Variants in SERGEF observed in about 807,000 individuals in gnomAD.
SERGEF encodes the protein secretion-regulating guanine nucleotide exchange factor.
In SERGEF, 51 loss-of-function variants were observed where a neutral mutation model predicts 50.0. The observed-to-expected ratio is 1.02, with a 90% CI of 0.81 to 1.29. The LOEUF (loss-of-function observed/expected upper bound fraction) is 1.29, where lower values mean the gene tolerates loss of function less well. Ranked by LOEUF, SERGEF falls within the 50% of genes most tolerant of loss-of-function variation. The pLI, the probability that SERGEF is intolerant of heterozygous loss-of-function variation, is 0.00. For missense variants in SERGEF, 521 were observed against 557.0 expected (o/e 0.94, Z 0.65); for synonymous variants, 205 against 212.4 (o/e 0.97, Z 0.30).
At chr11:17,939,512 T>C (rs1251966755) in intron 9 of SERGEF, 1 of 152,224 alleles carries the variant, frequency 6.6e-6, no homozygotes, top group Non-Finnish European at 1.5e-5. Context: ...GCCATGAGTC[T>C]TCTCAGCTGG....
chr11:17,966,971 C>T (rs1334172418), intron 8 of SERGEF, among the ~76,000 whole-genome samples: 4 of 152,148 alleles, frequency 2.6e-5, no homozygotes, highest in Admixed American at 2.6e-4. Flanking sequence ...AAACAGACCA[C>T]AGAGGTTAAA....
chr11:17,986,443 C>T (rs1462416958), intron 8 of SERGEF, among the ~76,000 whole-genome samples: 1 of 152,184 alleles, frequency 6.6e-6, no homozygotes, highest in African/African-American at 2.4e-5. Context: ...AAGTAAATAG[C>T]TGAAACGTTA....
chr11:17,907,534 G>A (rs913891975), intron 9 of SERGEF, among the ~76,000 whole-genome samples: 1 of 152,206 alleles, frequency 6.6e-6, no homozygotes, highest in Non-Finnish European at 1.5e-5. Context: ...TTCTAAAAAT[G>A]TAAGGCAGAT....
Position 17,831,983 on chromosome 11 carries a change from T to C in SERGEF, c.1049-43570A>G, listed in dbSNP as rs545067960. On this transcript the variant is annotated intron_variant, in intron 10 of 10. Transcript: ENST00000265965. ...AAGCCTCATTAATCTCCCCAGAGCA[T>C]AGGTTTCATCACAGAGTGTAAAAAG... is the stretch of plus-strand genomic sequence containing the variant. Among the ~76,000 whole-genome samples, 13 of 152,354 alleles carry C rather than the reference T, an allele frequency of 8.5e-5. No individual in the cohort carries two copies. The South Asian group carries it at 2.5e-3, about 29-fold the overall frequency.
intron 10 of SERGEF, among the ~76,000 whole-genome samples, chr11:17,840,427 C>G (rs1202909501): frequency 6.6e-6 from 1 of 152,188 alleles, no homozygotes; most frequent in Non-Finnish European, 1.5e-5. Flanking sequence ...CCACCACCCC[C>G]TTCCTGCCCG....
chr11:17,870,516 G>T (rs1438369168), intron 10 of SERGEF, among the ~76,000 whole-genome samples: 2 of 152,204 alleles, frequency 1.3e-5, no homozygotes, highest in Non-Finnish European at 1.5e-5. Flanking sequence ...CTTCCAGGAA[G>T]GAATGAAGGC....
chr11:17,971,179 G>A (rs1298170653), intron 8 of SERGEF, among the ~76,000 whole-genome samples: 1 of 152,094 alleles, frequency 6.6e-6, no homozygotes, highest in African/African-American at 2.4e-5. Context: ...GGGCGACGCA[G>A]CGAGACTCCA....
At chr11:17,791,190 C>T (rs946862952) in intron 10 of SERGEF, among the ~76,000 whole-genome samples, 10 of 152,126 alleles carry the variant, frequency 6.6e-5, no homozygotes, top group Admixed American at 1.3e-4. Flanking sequence ...AGGTTGTTTC[C>T]AATTTGTCAT....
intron 9 of SERGEF, among the ~76,000 whole-genome samples, chr11:17,904,681 C>T (rs1851806546): frequency 6.6e-6 from 1 of 152,192 alleles, no homozygotes; most frequent in Non-Finnish European, 1.5e-5. Context: ...TTCCTTCTCC[C>T]TCTTTCTTTA....
At chr11:17,874,699 A>G (rs1381020050) in intron 10 of SERGEF, among the ~76,000 whole-genome samples, 3 of 152,202 alleles carry the variant, frequency 2.0e-5, no homozygotes, top group Non-Finnish European at 4.4e-5. Flanking sequence ...TGAATAGCAG[A>G]ATCCTGTCCT....
intron 9 of SERGEF, among the ~76,000 whole-genome samples, chr11:17,915,039 GCA>G (rs1852023641): frequency 6.6e-6 from 1 of 152,300 alleles, no homozygotes; most frequent in East Asian, 1.9e-4. Flanking sequence ...CTTTTAGATG[GCA>G]TATTGACTGA....
At position 17,878,247 on chromosome 11, in the gene SERGEF, G is replaced by A; in HGVS notation, c.1012-3C>T. On this transcript the variant is annotated splice_polypyrimidine_tract_variant and splice_region_variant and intron_variant, in intron 9 of 10. Transcript: ENST00000265965. ...TTATGCTCTGAGCCACAAGAGACCT[G>A]TAAAAAAAAAAAAAGACAAAGAAAA... The A allele has an allele frequency of 6.6e-7, 1 of 1,505,756 alleles. No individual in the cohort carries two copies. Among genetic ancestry groups the A allele is most frequent in the Non-Finnish European group, 9.0e-7 (1 of 1,108,456 alleles). The allele number at this position is 1,505,756 out of a possible 1,614,324, so 93.3% of individuals were successfully genotyped here. A position where few individuals can be genotyped will look rare whatever the true frequency, so the allele number is the denominator to read the frequency against.
chr11:17,859,187 CAG>C, intron 10 of SERGEF, among the ~76,000 whole-genome samples: 1 of 152,080 alleles, frequency 6.6e-6, no homozygotes, highest in South Asian at 2.1e-4. Context: ...TGGAAAAAAA[CAG>C]AGTCAAGGCA....
At chr11:17,969,173 G>A (rs1853193673) in intron 8 of SERGEF, among the ~76,000 whole-genome samples, 1 of 152,184 alleles carries the variant, frequency 6.6e-6, no homozygotes. Context: ...TCTGAGATGT[G>A]CCGGCTGAGG....
chr11:17,882,432 A>AG (rs1555006835), intron 9 of SERGEF, among the ~76,000 whole-genome samples: 45 of 143,872 alleles, frequency 3.1e-4, no homozygotes, highest in South Asian at 2.1e-3. Flanking sequence ...AAAAAAAAAA[A>AG]AAAAGAAAAA....
At chr11:17,816,941 C>A (rs192818808) in intron 10 of SERGEF, among the ~76,000 whole-genome samples, 93 of 152,276 alleles carry the variant, frequency 6.1e-4, no homozygotes, top group African/African-American at 2.0e-3. Context: ...ATGTGATATA[C>A]CAAATGGTCC....
At chr11:17,796,368 T>C (rs548819872) in intron 10 of SERGEF, among the ~76,000 whole-genome samples, 1 of 152,242 alleles carries the variant, frequency 6.6e-6, no homozygotes, top group East Asian at 1.9e-4. Context: ...AGTACAGGTG[T>C]TGGAAACTTA....
At chr11:17,896,135 A>C (rs1427473097) in intron 9 of SERGEF, among the ~76,000 whole-genome samples, 5 of 152,236 alleles carry the variant, frequency 3.3e-5, no homozygotes, top group Non-Finnish European at 5.9e-5. Flanking sequence ...CTTTAAGACA[A>C]CTATACAATT....
At chr11:17,808,113 T>C (rs1185239040) in intron 10 of SERGEF, among the ~76,000 whole-genome samples, 1 of 152,198 alleles carries the variant, frequency 6.6e-6, no homozygotes, top group Non-Finnish European at 1.5e-5. Context: ...GCCTAGGCTC[T>C]CCTGACATCC....
Sources: allele counts gnomAD v4.1 joint callset (sites outside exome capture counted in the v4.1 genomes callset), GRCh38; gene constraint gnomAD v4.1.1; transcripts MANE v1.5; gene names NCBI Gene and HGNC (gene_info 2026-07-23, HGNC 2026-07-21).